The following PLCG2 variants were observed in gnomAD, a reference collection of about 807,000 sequenced individuals.
PLCG2 encodes 1-phosphatidylinositol 4,5-bisphosphate phosphodiesterase gamma-2.
PLCG2 carries 69 observed loss-of-function variants against 175.6 expected under a neutral mutation model. That is an observed-to-expected ratio of 0.39 (90% CI 0.32 to 0.48). The LOEUF is 0.48. Among genes scored for constraint, PLCG2 ranks in the 20% least tolerant of loss-of-function variants. PLCG2 has a pLI of 0.91. For synonymous variants in PLCG2, 827 were observed against 624.0 expected (o/e 1.33, Z -4.85); for missense variants, 1,798 against 1,650.9 (o/e 1.09, Z -1.54).
At chr16:81,774,460 G>T (rs1431672289), upstream of PLCG2, among the ~76,000 whole-genome samples, 1 of 152,210 alleles carries the variant, frequency 6.6e-6, no homozygotes, top group Non-Finnish European at 1.5e-5. Context: ...TAACCCCATT[G>T]AAAGCCCATT....
intron 1 of PLCG2, among the ~76,000 whole-genome samples, chr16:81,746,072 C>T (rs923171912): frequency 2.0e-5 from 3 of 152,116 alleles, no homozygotes; most frequent in Non-Finnish European, 1.5e-5. Flanking sequence ...TTCATGGCCC[C>T]TAGAAAACTC....
chr16:81,909,963 C>T (rs746624739), intron 17 of PLCG2, among the ~76,000 whole-genome samples: 2 of 134,144 alleles, frequency 1.5e-5, no homozygotes, highest in Non-Finnish European at 3.1e-5. Context: ...TGAATCCAGG[C>T]ATCCTGGCTC....
intron 20 of PLCG2, 49 bp downstream of exon 20, chr16:81,919,713 T>G: frequency 6.6e-7 from 1 of 1,508,364 alleles, no homozygotes; most frequent in East Asian, 2.3e-5. Context: ...TGTCTGAGGT[T>G]GTAACTCATC....
intron 31 of PLCG2, among the ~76,000 whole-genome samples, chr16:81,950,416 A>G (rs1911320066): frequency 6.6e-6 from 1 of 152,234 alleles, no homozygotes; most frequent in Non-Finnish European, 1.5e-5. Flanking sequence ...TAAGTATATA[A>G]GACAAAAATT....
chr16:81,895,775 T>A, intron 12 of PLCG2, 32 bp from the exon 13 acceptor site: 1 of 1,613,266 alleles, frequency 6.2e-7, no homozygotes, highest in Non-Finnish European at 8.5e-7. Flanking sequence ...TGAACACACG[T>A]GGTATTGAGG....
At chr16:81,773,634 A>T (rs1910330111) in intron 2 of PLCG2, among the ~76,000 whole-genome samples, 1 of 152,172 alleles carries the variant, frequency 6.6e-6, no homozygotes, top group African/African-American at 2.4e-5. Flanking sequence ...TTCTTAGCAT[A>T]ACAGGGTCCG....
At chr16:81,871,830 A>G (rs1597365818) in intron 7 of PLCG2, among the ~76,000 whole-genome samples, 1 of 143,942 alleles carries the variant, frequency 6.9e-6, no homozygotes, top group Non-Finnish European at 1.5e-5. Context: ...TTATGCTGGC[A>G]AAGTACCTGG....
At chr16:81,763,490 G>A (rs1351852282) in intron 2 of PLCG2, among the ~76,000 whole-genome samples, 3 of 152,192 alleles carry the variant, frequency 2.0e-5, no homozygotes, top group African/African-American at 4.8e-5. Context: ...TGCCTGGGCT[G>A]GGAAGATGTG....
chr16:81,868,001 C>G (rs554359233), intron 5 of PLCG2, among the ~76,000 whole-genome samples: 9 of 152,280 alleles, frequency 5.9e-5, no homozygotes, highest in African/African-American at 2.2e-4. Context: ...CGTGCCTGGC[C>G]CTCGCTTCCC....
At chr16:81,929,214 T>G (rs915390001) in intron 24 of PLCG2, among the ~76,000 whole-genome samples, 2 of 152,174 alleles carry the variant, frequency 1.3e-5, no homozygotes, top group African/African-American at 4.8e-5. Flanking sequence ...TGAGCCTGCC[T>G]GCTTTGAAGT....
intron 30 of PLCG2, among the ~76,000 whole-genome samples, chr16:81,944,293 T>A (rs937350702): frequency 6.6e-6 from 1 of 152,202 alleles, no homozygotes; most frequent in Non-Finnish European, 1.5e-5. Flanking sequence ...CAAGCTTGGG[T>A]TGAAAATATT....
chr16:81,879,828 C>G (rs1466483494), intron 7 of PLCG2, among the ~76,000 whole-genome samples: 2 of 152,120 alleles, frequency 1.3e-5, no homozygotes, highest in Admixed American at 1.3e-4. Flanking sequence ...TCCATGGCGC[C>G]CCCCTTGGTG....
intron 5 of PLCG2, among the ~76,000 whole-genome samples, chr16:81,861,764 G>T (rs964831897): frequency 6.6e-6 from 1 of 152,246 alleles, no homozygotes; most frequent in Admixed American, 6.5e-5. Flanking sequence ...TCTCCACGCG[G>T]TGCTGGTATG....
At chr16:81,957,310 A>G (rs924239242) in intron 32 of PLCG2, among the ~76,000 whole-genome samples, 4 of 151,956 alleles carry the variant, frequency 2.6e-5, no homozygotes, top group Admixed American at 2.0e-4. Flanking sequence ...CAAACAAACA[A>G]ACAAACAAAC....
chr16:81,948,318 A>G (rs1324758608), intron 31 of PLCG2, among the ~76,000 whole-genome samples: 1 of 152,176 alleles, frequency 6.6e-6, no homozygotes, highest in Non-Finnish European at 1.5e-5. Context: ...GAGATCCCGA[A>G]GAATGGGACT....
At chr16:81,740,658 T>C (rs1459564980) in intron 1 of PLCG2, 1 of 133,432 alleles carries the variant, frequency 7.5e-6, no homozygotes, top group East Asian at 2.2e-4. Flanking sequence ...TTGGGAGGCA[T>C]AGGTTGCACT....
intron 7 of PLCG2, among the ~76,000 whole-genome samples, chr16:81,876,559 C>T (rs1322835157): frequency 6.6e-6 from 1 of 152,166 alleles, no homozygotes; most frequent in East Asian, 1.9e-4. Flanking sequence ...CTCCTGGGGC[C>T]CGACTCAGAG....
intron 2 of PLCG2, among the ~76,000 whole-genome samples, chr16:81,805,552 A>C (rs960195154): frequency 1.3e-5 from 2 of 151,238 alleles, no homozygotes; most frequent in African/African-American, 2.4e-5. Flanking sequence ...AAAACCAAAA[A>C]CAAAAGCTCA....
chr16:81,793,806 C>T (rs1033361266), intron 2 of PLCG2, among the ~76,000 whole-genome samples: 1 of 152,166 alleles, frequency 6.6e-6, no homozygotes, highest in East Asian at 1.9e-4. Context: ...GCTATCCCTG[C>T]TTTATTCATA....
Sources: gnomAD v4.1 joint callset for allele counts (sites outside exome capture counted in the v4.1 genomes callset) on GRCh38, gnomAD v4.1.1 for gene constraint, MANE v1.5 for transcripts, NCBI Gene and HGNC (gene_info 2026-07-23, HGNC 2026-07-21) for gene names.